The following HAO1 variants were observed in gnomAD, a reference collection of about 807,000 sequenced individuals.
The protein encoded by HAO1 is 2-Hydroxyacid oxidase 1.
In HAO1, 34 loss-of-function variants were observed where a neutral mutation model predicts 39.7. The observed-to-expected ratio is 0.86, with a 90% CI of 0.65 to 1.14. The LOEUF is 1.14. HAO1 is among the 50% of genes most tolerant of loss of function. The probability of loss-of-function intolerance (pLI) is 0.00; values close to 1 mark genes in which losing one functional copy is unlikely to be tolerated. For missense variants in HAO1, 479 were observed against 464.5 expected, an observed-to-expected ratio of 1.03 and a Z score of -0.29; for synonymous variants, 172 against 173.2, an observed-to-expected ratio of 0.99 and a Z score of 0.05.
At chr20:7,900,083 G>C (rs1422233489) in intron 4 of HAO1, among the ~76,000 whole-genome samples, 1 of 152,166 alleles carries the variant, frequency 6.6e-6, no homozygotes, top group African/African-American at 2.4e-5. Flanking sequence ...GAGGAGAGTA[G>C]TAACTAAATC....
intron 3 of HAO1, among the ~76,000 whole-genome samples, 184 bp from the exon 4 acceptor site, chr20:7,906,513 C>T (rs1313304104): frequency 1.3e-5 from 2 of 152,152 alleles, no homozygotes; most frequent in African/African-American, 4.8e-5. Context: ...ATGTGATACT[C>T]TAGTGGTCTT....
At position 7,895,018 on chromosome 20, in the gene HAO1, T is replaced by C. The variant is rs184710928; in HGVS notation, c.813+115A>G. 980 of 711,904 alleles carry C rather than the reference T, an allele frequency of 1.4e-3. 3 individuals carry two copies. The highest frequency in any genetic ancestry group is 0.013 in the African/African-American group (761 of 57,714). 44.1% of individuals were successfully genotyped at this position (711,904 alleles called of 1,614,324 possible). A position where few individuals can be genotyped will look rare whatever the true frequency, so the allele number is the denominator to read the frequency against. On this transcript the variant is annotated intron_variant, in intron 5 of 7. Coordinates refer to ENST00000378789, the MANE Select transcript of HAO1 (RefSeq NM_017545.3). ...CAAGATCTCACATATTTGCACGTATTTCACCTTGAGTGATTACACAAAGTA... is the reference window on the plus strand; with the variant it reads ...CAAGATCTCACATATTTGCACGTATCTCACCTTGAGTGATTACACAAAGTA...
Position 7,901,693 on chromosome 20 carries a change from C to T in HAO1, c.721+4461G>A, listed in dbSNP as rs531602655. Among the ~76,000 whole-genome samples the T allele has an allele frequency of 5.9e-5, 9 of 152,224 alleles. No individual in the cohort carries two copies. The East Asian group carries it at 1.5e-3, about 26-fold the overall frequency. ...CAAGGAGTAATTTTGACTTTCAAGT[C>T]TTATTAGTTAAGAAATATATTTAAT... On this transcript the variant is annotated intron_variant, in intron 4 of 7. Transcript: ENST00000378789.
In HAO1 at chr20:7,936,550, G is replaced by GTGTGTGTGTGTGTT. The variant is rs1292549632; in HGVS notation, c.138-1916_138-1915insAACACACACACACA. The stretch of plus-strand genomic sequence containing the variant: ...TGTGTGTGTGTGTGTGTGTGTGTTC[G>GTGTGTGTGTGTGTT]CGCGCGCGCGCGCGCGTGCGTGCCA... On this transcript the variant is annotated intron_variant, in intron 1 of 7. Coordinates refer to ENST00000378789, the MANE Select transcript of HAO1 (RefSeq NM_017545.3). Among the ~76,000 whole-genome samples, 797 of 140,994 alleles carry GTGTGTGTGTGTGTT rather than the reference G, an allele frequency of 5.7e-3. 7 individuals are homozygous for GTGTGTGTGTGTGTT. The highest frequency in any genetic ancestry group is 0.017 in the African/African-American group (606 of 35,602). 92.5% of individuals were successfully genotyped at this position (140,994 alleles called of 152,430 possible). A position where few individuals can be genotyped will look rare whatever the true frequency, so the allele number is the denominator to read the frequency against.
chr20:7,909,653 T>C (rs115862500), intron 3 of HAO1, among the ~76,000 whole-genome samples: 1,523 of 151,818 alleles, frequency 0.01, 26 homozygotes, highest in African/African-American at 0.033. Context: ...TAGTAACAAC[T>C]GCTAATGTAA....
chr20:7,909,490 G>T (rs951219277), intron 3 of HAO1, among the ~76,000 whole-genome samples: 1 of 149,174 alleles, frequency 6.7e-6, no homozygotes, highest in African/African-American at 2.5e-5. Flanking sequence ...ATTACTTAGG[G>T]CTTAATTCTC....
At chr20:7,936,019 G>A (rs2050408497) in intron 1 of HAO1, among the ~76,000 whole-genome samples, 1 of 152,016 alleles carries the variant, frequency 6.6e-6, no homozygotes, top group South Asian at 2.1e-4. Context: ...AAAAAAAGAA[G>A]AAAAAGAAAA....
intron 2 of HAO1, among the ~76,000 whole-genome samples, chr20:7,916,547 G>C (rs149064091): frequency 6.6e-6 from 1 of 152,190 alleles, no homozygotes; most frequent in African/African-American, 2.4e-5. Context: ...CACCCACAGA[G>C]CTTCTGGTCC....
At chr20:7,894,096 G>A (rs1333448350) in intron 5 of HAO1, among the ~76,000 whole-genome samples, 2 of 152,130 alleles carry the variant, frequency 1.3e-5, no homozygotes, top group Non-Finnish European at 2.9e-5. Context: ...CCCACAAGTG[G>A]ACAGCACATA....
At chr20:7,935,242 T>C (rs540977231) in intron 1 of HAO1, among the ~76,000 whole-genome samples, 1 of 152,316 alleles carries the variant, frequency 6.6e-6, no homozygotes, top group Non-Finnish European at 1.5e-5. Context: ...CTATCATTTG[T>C]CCAGTCATTC....
chr20:7,886,080 T>G (rs1268466237), intron 5 of HAO1, among the ~76,000 whole-genome samples: 1 of 152,184 alleles, frequency 6.6e-6, no homozygotes, highest in Non-Finnish European at 1.5e-5. Context: ...CAGCTTATTT[T>G]TCTTTTAAAG....
chr20:7,890,999 T>C (rs556813153), intron 5 of HAO1, among the ~76,000 whole-genome samples: 1 of 152,348 alleles, frequency 6.6e-6, no homozygotes, highest in South Asian at 2.1e-4. Context: ...ACTGTGCTTC[T>C]ATAAATATGT....
At chr20:7,934,020 A>G (rs2050398394) in intron 2 of HAO1, among the ~76,000 whole-genome samples, 1 of 152,112 alleles carries the variant, frequency 6.6e-6, no homozygotes, top group Non-Finnish European at 1.5e-5. Context: ...GGTTTGGGGG[A>G]AGCAGGAGGG....
chr20:7,901,807 T>C (rs946214836), intron 4 of HAO1, among the ~76,000 whole-genome samples: 17 of 152,312 alleles, frequency 1.1e-4, no homozygotes, highest in African/African-American at 4.1e-4. Flanking sequence ...ACCATCTAGA[T>C]GCCATTAAGA....
At chr20:7,894,123 G>A (rs1023383223) in intron 5 of HAO1, among the ~76,000 whole-genome samples, 1 of 152,138 alleles carries the variant, frequency 6.6e-6, no homozygotes, top group African/African-American at 2.4e-5. Flanking sequence ...CCACTTGATA[G>A]CACCCCACCA....
chr20:7,913,876 A>G (rs1191878394), intron 3 of HAO1, among the ~76,000 whole-genome samples: 5 of 152,224 alleles, frequency 3.3e-5, no homozygotes, highest in African/African-American at 1.2e-4. Flanking sequence ...GATGATAATA[A>G]TAAACTGCTG....
At chr20:7,927,100 A>G (rs1240401065) in intron 2 of HAO1, among the ~76,000 whole-genome samples, 1 of 152,156 alleles carries the variant, frequency 6.6e-6, no homozygotes, top group Non-Finnish European at 1.5e-5. Context: ...TCCATGAAAG[A>G]TGAAGGAAAA....
rs764152894 is a variant in HAO1 at position 7,895,145 on chromosome 20, C to T, written c.801G>A (p.Gly267=). 4.4e-6 allele frequency: 7 copies of T among 1,608,342 alleles called. No individual in the cohort carries two copies. Among genetic ancestry groups the T allele is most frequent in the Non-Finnish European group, 6.0e-6 (7 of 1,174,914 alleles). ...TGCCAAAACTCACAGTGGCTGGCAC[C>T]CCATCGAGTTGTCGAGCCCCATGAT... ...VSNHGARQLD[G]VPATIDVLPE... is the part of the protein sequence containing the mutation. The change falls in exon 5 of 8, where the codon GGG becomes GGA. Residue 267 remains glycine, a synonymous_variant. Transcript: ENST00000378789.
At chr20:7,903,288 AT>A (rs1193681540) in intron 4 of HAO1, among the ~76,000 whole-genome samples, 3 of 96,184 alleles carry the variant, frequency 3.1e-5, no homozygotes, top group African/African-American at 1.2e-4. Context: ...ATCTCTCCTT[AT>A]CTTTTTTTTT....
Sources: allele counts gnomAD v4.1 joint callset (sites outside exome capture counted in the v4.1 genomes callset), GRCh38; gene constraint gnomAD v4.1.1; transcripts MANE v1.5; gene names NCBI Gene and HGNC (gene_info 2026-07-23, HGNC 2026-07-21).